The following PHF11 variants were observed in gnomAD, a reference collection of about 807,000 sequenced individuals.
The protein encoded by PHF11 is BRCA1 C-terminus-associated protein.
Under a neutral mutation model 40.5 loss-of-function variants are expected in PHF11, and 38 were observed. The ratio of observed to expected loss-of-function variants is 0.94; its 90% CI spans 0.72 to 1.23. The LOEUF (loss-of-function observed/expected upper bound fraction) is 1.23. Ranked by LOEUF, PHF11 falls within the 50% of genes most tolerant of loss-of-function variation. The pLI is 0.00. For missense variants in PHF11, 369 were observed against 392.4 expected (o/e 0.94, Z 0.50); for synonymous variants, 127 against 138.2 (o/e 0.92, Z 0.57).
intron 2 of PHF11, among the ~76,000 whole-genome samples, chr13:49,509,502 T>C (rs949593594): frequency 1.3e-5 from 2 of 152,182 alleles, no homozygotes; most frequent in Non-Finnish European, 2.9e-5. Context: ...TGAGTCACTG[T>C]GCCCAGCCTT....
At chr13:49,508,297 A>G (rs145517543) in intron 2 of PHF11, among the ~76,000 whole-genome samples, 3,681 of 147,136 alleles carry the variant, frequency 0.025, 159 homozygotes, top group African/African-American at 0.084. Flanking sequence ...TTATATAAAT[A>G]TAAATAATAT....
intron 1 of PHF11, among the ~76,000 whole-genome samples, chr13:49,501,745 C>T (rs1051094834): frequency 4.6e-5 from 7 of 152,046 alleles, no homozygotes; most frequent in Admixed American, 3.9e-4. Flanking sequence ...GGCTAGCATG[C>T]AGTGGTGCAA....
intron 8 of PHF11, chr13:49,525,676 G>T (rs986311582): frequency 4.3e-5 from 16 of 371,674 alleles, no homozygotes; most frequent in South Asian, 2.0e-5. Context: ...ATTTGAATGG[G>T]ATTATTTTCT....
chr13:49,525,811 G>A (rs938082054), intron 8 of PHF11: 3 of 456,212 alleles, frequency 6.6e-6, no homozygotes, highest in African/African-American at 2.0e-5. Context: ...AGAACCACCT[G>A]TAGGGCTGGT....
chr13:49,527,409 T>G (rs897849394), intron 9 of PHF11: 1 of 152,200 alleles, frequency 6.6e-6, no homozygotes, highest in Non-Finnish European at 1.5e-5. Flanking sequence ...CTCCAGCATA[T>G]GGTAGGAAGA....
Position 49,528,528 on chromosome 13 carries a change from C to T in PHF11, c.859C>T (p.His287Tyr). Residue 287 changes from histidine to tyrosine, a missense_variant, in exon 10 of 10, where the codon CAT (histidine) becomes TAT (tyrosine). Coordinates refer to ENST00000378319, the MANE Select transcript of PHF11 (RefSeq NM_001040443.3). Reference protein sequence around the residue: ...NFQAAIEKKIHASQQRWQQLK... With the variant: ...NFQAAIEKKIYASQQRWQQLK... ...TTTCATAGCAATAGAGAAAAAAATT[C>T]ATGCATCTCAACAAAGGTGGCAGCA... 6.3e-7 allele frequency: 1 copy of T among 1,598,290 alleles called. No homozygotes were observed.
rs1383269694 is a variant in PHF11 at position 49,523,241 on chromosome 13, G to T, written c.637G>T (p.Asp213Tyr). 2 of 1,601,598 alleles carry T rather than the reference G, an allele frequency of 1.2e-6. No homozygotes were observed. ...QVKEEHGRHT[D>Y]ATVKVPFLKK... The stretch of plus-strand genomic sequence containing the variant: ...GAAAGAAGAGCATGGCAGACACACA[G>T]GTTTGCGCTAAGTGTTGTCTGTAAC... Residue 213 changes from aspartate (D) to tyrosine (Y), a missense_variant and splice_region_variant, in exon 7 of 10, where the codon GAT becomes TAT. Transcript: ENST00000378319.
intron 1 of PHF11, among the ~76,000 whole-genome samples, chr13:49,501,295 G>A (rs978036984): frequency 6.6e-6 from 1 of 152,082 alleles, no homozygotes; most frequent in Non-Finnish European, 1.5e-5. Context: ...TTATAGGTGT[G>A]AGCCACTACG....
At chr13:49,497,722 C>T (rs1958836437) in intron 1 of PHF11, among the ~76,000 whole-genome samples, 1 of 152,226 alleles carries the variant, frequency 6.6e-6, no homozygotes, top group Non-Finnish European at 1.5e-5. Flanking sequence ...TCAGAACAAT[C>T]TATGAGCCTG....
intron 2 of PHF11, among the ~76,000 whole-genome samples, chr13:49,511,716 A>G (rs1959085299): frequency 1.3e-5 from 2 of 152,076 alleles, no homozygotes; most frequent in Middle Eastern, 3.2e-3. Flanking sequence ...ACTTTTTTCT[A>G]AAGTATTTTT....
At chr13:49,500,647 A>T (rs1480810638) in intron 1 of PHF11, among the ~76,000 whole-genome samples, 1 of 152,230 alleles carries the variant, frequency 6.6e-6, no homozygotes, top group Non-Finnish European at 1.5e-5. Context: ...TTTAGCAGGA[A>T]AAAGCCACTA....
At chr13:49,496,320 C>T in intron 1 of PHF11, 2 of 921,158 alleles carry the variant, frequency 2.2e-6, no homozygotes, top group African/African-American at 1.7e-5. Context: ...GCCAGTTCCA[C>T]AGGTGGCTCT....
chr13:49,526,188 A>G, intron 8 of PHF11, 199 bp from the exon 9 acceptor site: 1 of 499,212 alleles, frequency 2.0e-6, no homozygotes, highest in East Asian at 3.5e-5. Flanking sequence ...AAAAAAAAAA[A>G]AAGAAAAAAG....
At chr13:49,497,964 C>T (rs1432504960) in intron 1 of PHF11, among the ~76,000 whole-genome samples, 1 of 152,194 alleles carries the variant, frequency 6.6e-6, no homozygotes, top group African/African-American at 2.4e-5. Flanking sequence ...GCCTGCCCAT[C>T]CTGTCTAAAA....
At chr13:49,521,058 T>A in intron 5 of PHF11, 118 bp downstream of exon 5, 11 of 1,405,804 alleles carry the variant, frequency 7.8e-6, no homozygotes, top group Non-Finnish European at 1.0e-5. Flanking sequence ...TGAGTTAAAA[T>A]TTTACACATC....
intron 2 of PHF11, 48 bp downstream of exon 2, chr13:49,506,804 T>A: frequency 7.1e-7 from 1 of 1,415,388 alleles, no homozygotes; most frequent in Non-Finnish European, 9.8e-7. Flanking sequence ...ACTTTTAGTG[T>A]AGGACACATA....
At chr13:49,509,556 T>G (rs1959056481) in intron 2 of PHF11, among the ~76,000 whole-genome samples, 1 of 152,100 alleles carries the variant, frequency 6.6e-6, no homozygotes, top group Non-Finnish European at 1.5e-5. Context: ...TTTGGCTGTG[T>G]CCCCACCCAA....
chr13:49,519,470 A>G (rs1052432028), intron 4 of PHF11, among the ~76,000 whole-genome samples: 11 of 152,128 alleles, frequency 7.2e-5, no homozygotes, highest in African/African-American at 2.4e-4. Context: ...GCATTGTTTT[A>G]TCAAGGAACA....
chr13:49,511,731 G>A (rs887551527), intron 2 of PHF11, among the ~76,000 whole-genome samples: 2 of 152,212 alleles, frequency 1.3e-5, no homozygotes, highest in East Asian at 3.9e-4. Flanking sequence ...ATTTTTAAAT[G>A]AGCTATTATC....
Sources: gnomAD v4.1 joint callset for allele counts (sites outside exome capture counted in the v4.1 genomes callset) on GRCh38, gnomAD v4.1.1 for gene constraint, MANE v1.5 for transcripts, NCBI Gene and HGNC (gene_info 2026-07-23, HGNC 2026-07-21) for gene names.